Variants in FAM186A observed in about 807,000 individuals in gnomAD.
FAM186A encodes family with sequence similarity 186 member A, also known as protein FAM186A.
FAM186A carries 163 observed loss-of-function variants against 216.8 expected under a neutral mutation model. The ratio of observed to expected loss-of-function variants is 0.75; its 90% CI spans 0.66 to 0.86. The LOEUF (loss-of-function observed/expected upper bound fraction) is 0.86, where lower values mean the gene tolerates loss of function less well. Among genes scored for constraint, FAM186A ranks in the 40% least tolerant of loss-of-function variants. The probability of loss-of-function intolerance (pLI) is 0.00; values close to 1 mark genes in which losing one functional copy is unlikely to be tolerated. For synonymous variants in FAM186A, 805 were observed against 1,025.3 expected, an observed-to-expected ratio of 0.79 and a Z score of 4.10; for missense variants, 2,184 against 2,746.2, an observed-to-expected ratio of 0.80 and a Z score of 4.58.
intron 1 of FAM186A, among the ~76,000 whole-genome samples, chr12:50,381,774 A>G (rs1193954320): frequency 1.3e-5 from 2 of 152,168 alleles, no homozygotes; most frequent in African/African-American, 4.8e-5. Flanking sequence ...AGCCTGGGCA[A>G]TATTGCAAGA....
At chr12:50,364,898 C>G (rs574343956) in intron 1 of FAM186A, among the ~76,000 whole-genome samples, 76 of 151,840 alleles carry the variant, frequency 5.0e-4, no homozygotes, top group South Asian at 3.3e-3. Flanking sequence ...AATAGCCAGG[C>G]ATTGTGGTGG....
In FAM186A at chr12:50,373,052, AAAG is replaced by A. The variant is rs1422894677; in HGVS notation, c.193-9691_193-9689del. On this transcript the variant is annotated intron_variant, in intron 1 of 7. Coordinates refer to ENST00000327337, the MANE Select transcript of FAM186A (RefSeq NM_001145475.3). ...GAAAGAAAGAAAGAAAGAAAGAAAG[AAAG>A]AAAGAAAGAAAGAAAGAAAGAGAAA... Among the ~76,000 whole-genome samples, 11 of 150,052 alleles carry A rather than the reference AAAG, an allele frequency of 7.3e-5. No individual in the cohort carries two copies. The East Asian group carries it at 2.2e-3, about 30-fold the overall frequency.
chr12:50,381,686 G>T (rs895505651), intron 1 of FAM186A, among the ~76,000 whole-genome samples: 33 of 152,166 alleles, frequency 2.2e-4, no homozygotes, highest in Non-Finnish European at 1.3e-4. Flanking sequence ...ATAGAGCCAG[G>T]CAGGTTTACA....
chr12:50,363,290 G>C lies in FAM186A; in HGVS notation c.267C>G (p.Asn89Lys). The C allele has an allele frequency of 6.4e-7, 1 of 1,551,506 alleles. No homozygotes were observed. ...RIMTRYTLVF[N>K]SSSERNVSLT... ...GGGAGACATTCCTTTCAGAGGACGA[G>C]TTAAAAACAAGAGTATAGCGAGTCA... The change falls in exon 2 of 8, where the codon AAC becomes AAG. Residue 89 changes from asparagine (N) to lysine (K), a missense_variant. Asn to Lys is a moderately conservative substitution (Grantham distance 94). Transcript: ENST00000327337.
rs562832889 is a variant in FAM186A, at chr12:50,362,172, C to T, written c.412+973G>A. ...TATTTTAGTAGAGACGAGGTTTCACCGTGTTGCCCAGGCTGGTCTTGAACT... is the reference window on the plus strand; with the variant it reads ...TATTTTAGTAGAGACGAGGTTTCACTGTGTTGCCCAGGCTGGTCTTGAACT... On this transcript the variant is annotated intron_variant, in intron 2 of 7. Transcript: ENST00000327337. 7.8e-4 allele frequency among the ~76,000 whole-genome samples: 118 copies of T among 151,934 alleles called. 2 individuals are homozygous for T. Among genetic ancestry groups the T allele is most frequent in the Middle Eastern group, 3.4e-3 (1 of 294 alleles).
chr12:50,371,237 C>G (rs1361553808), intron 1 of FAM186A, among the ~76,000 whole-genome samples: 2 of 151,830 alleles, frequency 1.3e-5, no homozygotes. Flanking sequence ...CCTGCCTCAG[C>G]CTCCAGAGTA....
At chr12:50,343,138 C>T (rs1007789764) in intron 4 of FAM186A, among the ~76,000 whole-genome samples, 9 of 151,768 alleles carry the variant, frequency 5.9e-5, no homozygotes, top group South Asian at 2.1e-4. Flanking sequence ...TATTTTAAAC[C>T]CGGGAAGTTG....
intron 1 of FAM186A, among the ~76,000 whole-genome samples, chr12:50,375,586 G>A (rs1943189668): frequency 6.6e-6 from 1 of 150,532 alleles, no homozygotes; most frequent in African/African-American, 2.4e-5. Context: ...GTATGGTGGT[G>A]CATACCTGTA....
chr12:50,392,171 G>A (rs1022134461), intron 1 of FAM186A, among the ~76,000 whole-genome samples: 31 of 152,142 alleles, frequency 2.0e-4, no homozygotes, highest in African/African-American at 7.0e-4. Flanking sequence ...ACAGCATGTG[G>A]GAGGGATTAT....
chr12:50,389,586 C>T (rs775956945), intron 1 of FAM186A, among the ~76,000 whole-genome samples: 2 of 152,134 alleles, frequency 1.3e-5, no homozygotes, highest in Admixed American at 6.6e-5. Context: ...GATAGAAGAC[C>T]GAAGCTGTAT....
intron 1 of FAM186A, among the ~76,000 whole-genome samples, chr12:50,372,396 A>T (rs1943149702): frequency 8.8e-6 from 1 of 114,036 alleles, no homozygotes; most frequent in African/African-American, 3.1e-5. Flanking sequence ...GTTCAAGACC[A>T]GCCTGGGCAA....
Position 50,360,850 on chromosome 12 carries a change from C to T in FAM186A, c.489G>A (p.Pro163=), listed in dbSNP as rs775102319. ...HHWIAQMELL[P]DTLKAIENNV... ...TGTTCTCAATAGCTTTTAACGTGTC[C>T]GGTAACAACTCCATTTGTGCTATCC... Residue 163 remains proline, a synonymous_variant, in exon 3 of 8, where the codon CCG becomes CCA. Coordinates refer to ENST00000327337, the MANE Select transcript of FAM186A (RefSeq NM_001145475.3). 284 of 1,550,878 alleles carry T rather than the reference C, an allele frequency of 1.8e-4. No homozygotes were observed. Among genetic ancestry groups the T allele is most frequent in the African/African-American group, 4.7e-4 (34 of 72,994 alleles).
Position 50,351,842 on chromosome 12 carries a change from T to C in FAM186A, c.4990A>G (p.Thr1664Ala). The C allele has an allele frequency of 6.5e-7, 1 of 1,544,588 alleles. No individual in the cohort carries two copies. The highest frequency in any genetic ancestry group is 1.2e-5 in the South Asian group (1 of 83,024). ...TCCAAAGCGTGGGTTTGCTCAGAGGTAAGAGTGACAGCTGACACCCAGGCA... is the reference window on the plus strand; with the variant it reads ...TCCAAAGCGTGGGTTTGCTCAGAGGCAAGAGTGACAGCTGACACCCAGGCA... ...VNAWVSAVTL[T>A]SEQTHALESP... Residue 1664 changes from threonine to alanine, a missense_variant, in exon 4 of 8, where the codon ACC becomes GCC. Physicochemically the swap from Thr to Ala is moderately conservative, Grantham distance 58. Coordinates refer to ENST00000327337, the MANE Select transcript of FAM186A (RefSeq NM_001145475.3).
intron 4 of FAM186A, among the ~76,000 whole-genome samples, chr12:50,344,962 C>A (rs1420640502): frequency 6.6e-6 from 1 of 152,032 alleles, no homozygotes; most frequent in Admixed American, 6.6e-5. Context: ...TGTCAAAAAA[C>A]AAAACAAGGC....
intron 2 of FAM186A, among the ~76,000 whole-genome samples, chr12:50,361,195 GTGTTT>G (rs777225489): frequency 2.6e-5 from 4 of 151,970 alleles, no homozygotes; most frequent in East Asian, 3.8e-4. Context: ...GTGTGTGTGT[GTGTTT>G]TGTTTTGTTT....
chr12:50,369,464 C>T (rs1943120981), intron 1 of FAM186A, among the ~76,000 whole-genome samples: 1 of 141,634 alleles, frequency 7.1e-6, no homozygotes, highest in African/African-American at 2.6e-5. Context: ...GCACTCCAGC[C>T]TCAGCCTGGG....
chr12:50,355,177 C>A lies in FAM186A; in HGVS notation c.1655G>T (p.Arg552Leu). 1 of 1,551,684 alleles carries A rather than the reference C, an allele frequency of 6.4e-7. No homozygotes were observed. Among genetic ancestry groups the A allele is most frequent in the African/African-American group, 1.4e-5 (1 of 73,168 alleles). Residue 552 changes from arginine to leucine, a missense_variant, in exon 4 of 8, where the codon CGT becomes CTT. Transcript: ENST00000327337. ...TGGACGTTTGTCAAATGGAGATTCA[C>A]GTTTGACCTTCCTAAATTGCTCCAA... ...MMLEQFRKVK[R>L]ESPFDKRPTA...
chr12:50,354,434 C>T lies in FAM186A; in HGVS notation c.2398G>A (p.Glu800Lys), dbSNP rs1420247319. ...NLIQMILAEI[E>K]SERDIPTVST... ...ACTGTTGGAATATCTCTTTCACTTT[C>T]TATTTCAGCCAAGATCATTTGTATT... is the stretch of plus-strand genomic sequence containing the variant. The change falls in exon 4 of 8, where the codon GAA becomes AAA. Residue 800 changes from glutamate (E) to lysine (K), a missense_variant. Around this residue, in one of 7 missense-constraint regions of FAM186A, gnomAD observed 1,132 missense variants for 1,263.4 expected, o/e 0.90. Transcript: ENST00000327337. 1.3e-6 allele frequency: 2 copies of T among 1,551,348 alleles called. No homozygotes were observed. The highest frequency in any genetic ancestry group is 1.7e-6 in the Non-Finnish European group (2 of 1,146,982).
intron 1 of FAM186A, among the ~76,000 whole-genome samples, chr12:50,370,513 G>A (rs920101939): frequency 5.3e-5 from 8 of 152,110 alleles, no homozygotes; most frequent in African/African-American, 1.9e-4. Context: ...AAGTGTGGGT[G>A]AGGCTGTGCA....
Sources: gnomAD v4.1 joint callset for allele counts (sites outside exome capture counted in the v4.1 genomes callset) on GRCh38, gnomAD v4.1.1 for gene constraint, gnomAD v4.1.1 regional missense constraint, MANE v1.5 for transcripts, NCBI Gene and HGNC (gene_info 2026-07-23, HGNC 2026-07-21) for gene names.